Variants in ZFYVE21 observed in about 807,000 individuals in gnomAD.
ZFYVE21 encodes the protein zinc finger FYVE-type containing 21.
Under a neutral mutation model 29.5 loss-of-function variants are expected in ZFYVE21, and 21 were observed. That is an observed-to-expected ratio of 0.71 (90% CI 0.50 to 1.02). The LOEUF (loss-of-function observed/expected upper bound fraction) is 1.02. ZFYVE21 is among the 50% of genes least tolerant of loss of function. The probability of loss-of-function intolerance (pLI) is 0.00; values close to 1 mark genes in which losing one functional copy is unlikely to be tolerated. For synonymous variants in ZFYVE21, 151 were observed against 133.8 expected (o/e 1.13, Z -0.89); for missense variants, 326 against 335.4 (o/e 0.97, Z 0.22).
chr14:103,727,442 G>A, intron 2 of ZFYVE21: 1 of 462,550 alleles, frequency 2.2e-6, no homozygotes, highest in Non-Finnish European at 4.3e-6. Context: ...TGTGTGCCCA[G>A]CTCATGGCGC....
intron 2 of ZFYVE21, chr14:103,727,370 C>G: frequency 5.9e-6 from 2 of 340,416 alleles, no homozygotes; most frequent in South Asian, 4.3e-5. Context: ...GCCCCCCGCC[C>G]CCTCTGCCCC....
chr14:103,733,452 T>C lies in ZFYVE21; in HGVS notation c.*434T>C, dbSNP rs1377555507. On this transcript the variant is annotated 3_prime_UTR_variant, in exon 7 of 7. Coordinates refer to ENST00000311141, the MANE Select transcript of ZFYVE21 (RefSeq NM_024071.4). The stretch of plus-strand genomic sequence containing the variant: ...GAGCCTGTTCGCCTCTAATAGCCAG[T>C]TTACAGCACTTGCCTTAGCCTGTTT... 4.8e-5 allele frequency: 8 copies of C among 168,384 alleles called. No homozygotes were observed. Among genetic ancestry groups the C allele is most frequent in the Non-Finnish European group, 1.3e-5 (1 of 77,912 alleles). 10.4% of individuals were successfully genotyped at this position (168,384 alleles called of 1,614,324 possible).
intron 5 of ZFYVE21, chr14:103,730,005 A>G (rs1400903406): frequency 3.7e-6 from 3 of 801,850 alleles, no homozygotes; most frequent in Non-Finnish European, 5.8e-6. Flanking sequence ...GGATCTGATA[A>G]GTGGGTTTAT....
chr14:103,727,959 G>T (rs754579809), intron 3 of ZFYVE21, 45 bp downstream of exon 3: 3 of 1,562,180 alleles, frequency 1.9e-6, no homozygotes, highest in Non-Finnish European at 2.6e-6. Flanking sequence ...CCGCCAGCCG[G>T]CTCCTCGTGT....
At chr14:103,731,378 TC>T (rs1317304252) in intron 5 of ZFYVE21, 1 of 149,612 alleles carries the variant, frequency 6.7e-6, no homozygotes, top group East Asian at 2.0e-4. Flanking sequence ...GGCGGGCAGA[TC>T]ACCTGAGGTT....
At chr14:103,721,417 T>A (rs1166649879) in intron 1 of ZFYVE21, among the ~76,000 whole-genome samples, 1 of 152,204 alleles carries the variant, frequency 6.6e-6, no homozygotes, top group Non-Finnish European at 1.5e-5. Context: ...TCCATATAGC[T>A]TCCCGCCGAG....
intron 3 of ZFYVE21, among the ~76,000 whole-genome samples, chr14:103,728,628 G>A (rs2083949619): frequency 6.6e-6 from 1 of 152,186 alleles, no homozygotes; most frequent in Admixed American, 6.5e-5. Flanking sequence ...GGACCTTGGT[G>A]ATGAATTCCC....
intron 1 of ZFYVE21, among the ~76,000 whole-genome samples, chr14:103,723,855 G>A (rs2151951559): frequency 6.6e-6 from 1 of 152,358 alleles, no homozygotes; most frequent in South Asian, 2.1e-4. Flanking sequence ...TTCCTGTGCT[G>A]CCTGTGTGGG....
At chr14:103,729,667 G>A in intron 5 of ZFYVE21, 11 of 1,201,888 alleles carry the variant, frequency 9.2e-6, no homozygotes, top group South Asian at 2.9e-5. Flanking sequence ...CGGGGAGCTC[G>A]CATCCCGTTA....
intron 1 of ZFYVE21, among the ~76,000 whole-genome samples, chr14:103,719,792 GCTC>G (rs1192045512): frequency 6.6e-6 from 1 of 152,132 alleles, no homozygotes; most frequent in Admixed American, 6.5e-5. Context: ...ACACCAGCGA[GCTC>G]CTCAAGGGTC....
intron 6 of ZFYVE21, 73 bp from the exon 7 acceptor site, chr14:103,732,910 A>T (rs1469153670): frequency 6.2e-7 from 1 of 1,611,482 alleles, no homozygotes; most frequent in African/African-American, 1.3e-5. Context: ...CTCCCCTGAA[A>T]TGCACACAGG....
intron 1 of ZFYVE21, chr14:103,724,605 T>C (rs2083902970): frequency 6.6e-6 from 1 of 152,246 alleles, no homozygotes; most frequent in Non-Finnish European, 1.5e-5. Flanking sequence ...AGGTCTTCTC[T>C]TACATCTCTT....
chr14:103,727,928 T>C lies in ZFYVE21; in HGVS notation c.358+14T>C, dbSNP rs2083943748. On this transcript the variant is annotated intron_variant, in intron 3 of 6. Transcript: ENST00000311141. ...TGCTCCTGAGCGGTAAGGACGGGTG[T>C]CCTGCACAGTCCCGCGCGCTCCGCC... 8 of 1,591,864 alleles carry C rather than the reference T, an allele frequency of 5.0e-6. No homozygotes were observed. The highest frequency in any genetic ancestry group is 6.0e-6 in the Non-Finnish European group (7 of 1,164,056).
At chr14:103,718,549 G>A (rs78476759) in intron 1 of ZFYVE21, among the ~76,000 whole-genome samples, 3,655 of 152,266 alleles carry the variant, frequency 0.024, 134 homozygotes, top group African/African-American at 0.084. Context: ...GTAAAGCTTC[G>A]TGCGACACCA....
Position 103,726,868 on chromosome 14 carries a change from T to C in ZFYVE21, c.189+26T>C, listed in dbSNP as rs536080804. The stretch of plus-strand genomic sequence containing the variant: ...GTGAGCTGAGGCCGCTGAGTGGGGG[T>C]GGTGGGAAGAGGGGAGGGGCCCCAA... On this transcript the variant is annotated intron_variant, in intron 2 of 6. Transcript: ENST00000311141. The C allele has an allele frequency of 4.4e-6, 7 of 1,606,020 alleles. No homozygotes were observed. In the South Asian group the frequency reaches 6.6e-5, roughly 15 times the overall value.
chr14:103,720,710 C>T (rs552540240), intron 1 of ZFYVE21, among the ~76,000 whole-genome samples: 41 of 152,254 alleles, frequency 2.7e-4, no homozygotes, highest in Middle Eastern at 3.4e-3. Flanking sequence ...CTGTGACCCT[C>T]GAGGGGCCGT....
chr14:103,723,608 C>T (rs923319836), intron 1 of ZFYVE21, among the ~76,000 whole-genome samples: 6 of 152,318 alleles, frequency 3.9e-5, no homozygotes, highest in African/African-American at 9.6e-5. Flanking sequence ...TCGTGTGGGT[C>T]GCGACGGGCC....
intron 2 of ZFYVE21, chr14:103,727,356 A>ACCTGGCCCCCCCCCCC: frequency 2.7e-6 from 1 of 376,692 alleles, no homozygotes; most frequent in Non-Finnish European, 5.2e-6. Flanking sequence ...CTGTGCACCC[A>ACCTGGCCCCCCCCCCC]CCTGCCCCCC....
intron 5 of ZFYVE21, 139 bp downstream of exon 5, chr14:103,729,321 C>T: frequency 2.5e-6 from 2 of 815,458 alleles, no homozygotes; most frequent in Non-Finnish European, 3.8e-6. Context: ...TCTGCCTTTC[C>T]TCTTTCGCGG....
Sources: gnomAD v4.1 joint callset for allele counts (sites outside exome capture counted in the v4.1 genomes callset) on GRCh38, gnomAD v4.1.1 for gene constraint, MANE v1.5 for transcripts, NCBI Gene and HGNC (gene_info 2026-07-23, HGNC 2026-07-21) for gene names.